Variants in NLGN1 observed in about 807,000 individuals in gnomAD.
NLGN1 encodes the protein neuroligin-1.
NLGN1 carries 12 observed loss-of-function variants against 65.5 expected under a neutral mutation model. The ratio of observed to expected loss-of-function variants is 0.18; its 90% CI spans 0.12 to 0.30. NLGN1 has a LOEUF of 0.30. Ranked by LOEUF, NLGN1 falls within the 10% of genes least tolerant of loss-of-function variation. The pLI is 1.00. For synonymous variants in NLGN1, 350 were observed against 359.5 expected (o/e 0.97, Z 0.30); for missense variants, 750 against 1,007.1 (o/e 0.74, Z 3.46).
chr3:174,277,294 G>C (rs1327836430), intron 5 of NLGN1, among the ~76,000 whole-genome samples: 1 of 151,824 alleles, frequency 6.6e-6, no homozygotes, highest in Admixed American at 6.6e-5. Context: ...CTCAGGCCTG[G>C]ATATACCATG....
At chr3:173,477,769 G>A (rs534094948) in intron 2 of NLGN1, among the ~76,000 whole-genome samples, 54 of 152,102 alleles carry the variant, frequency 3.6e-4, no homozygotes, top group Non-Finnish European at 6.0e-4. Flanking sequence ...CTGCATGAAT[G>A]TCTTCTTTTG....
chr3:174,152,233 A>C (rs574106190), intron 4 of NLGN1, among the ~76,000 whole-genome samples: 1 of 152,160 alleles, frequency 6.6e-6, no homozygotes, highest in Non-Finnish European at 1.5e-5. Flanking sequence ...AATAGGAAAA[A>C]AGTTTATGTC....
At chr3:173,532,775 G>A (rs534937413) in intron 2 of NLGN1, among the ~76,000 whole-genome samples, 19 of 152,264 alleles carry the variant, frequency 1.2e-4, no homozygotes, top group Non-Finnish European at 2.4e-4. Context: ...TTATGCCACA[G>A]TCATAATCAC....
At position 173,472,309 on chromosome 3, in the gene NLGN1, ACTT is replaced by A. The variant is rs556563068; in HGVS notation, c.-321+37234_-321+37236del. Among the ~76,000 whole-genome samples, 283 of 151,986 alleles carry A rather than the reference ACTT, an allele frequency of 1.9e-3. 1 individual carries two copies. Among genetic ancestry groups the A allele is most frequent in the African/African-American group, 6.7e-3 (279 of 41,476 alleles). ...TTGTTTTAGTTTTACCTGCAGAAAAACTTCTGCCATTTCTATTATTTTTATCCT... is the reference window on the plus strand; with the variant it reads ...TTGTTTTAGTTTTACCTGCAGAAAAACTGCCATTTCTATTATTTTTATCCT... On this transcript the variant is annotated intron_variant, in intron 2 of 6. Transcript: ENST00000457714.
In NLGN1 at chr3:173,463,141, G is replaced by A. The variant is rs553128689; in HGVS notation, c.-321+28063G>A. On this transcript the variant is annotated intron_variant, in intron 2 of 6. Coordinates refer to ENST00000457714, the Ensembl canonical transcript of NLGN1. ...AGACTATGGGCTAGAGATCAGTAGG[G>A]CATGCTAGGATGTATGCAAGTGGTC... Among the ~76,000 whole-genome samples, 9 of 152,262 alleles carry A rather than the reference G, an allele frequency of 5.9e-5. No individual in the cohort carries two copies. In the South Asian group the frequency reaches 1.7e-3, roughly 28 times the overall value.
chr3:173,408,911 C>CAAA (rs11344890), intron 1 of NLGN1, among the ~76,000 whole-genome samples: 31,185 of 124,198 alleles, frequency 0.25, 3,696 homozygotes, highest in Middle Eastern at 0.32. Flanking sequence ...GACTCTGTCT[C>CAAA]AAAAAAAAAA....
At chr3:173,774,738 C>T (rs944001530) in intron 3 of NLGN1, among the ~76,000 whole-genome samples, 1 of 152,070 alleles carries the variant, frequency 6.6e-6, no homozygotes. Flanking sequence ...TTTCTGAGTA[C>T]ATTGGTACTC....
intron 4 of NLGN1, among the ~76,000 whole-genome samples, chr3:174,150,169 GTTAT>G (rs1007312223): frequency 4.6e-5 from 7 of 152,154 alleles, no homozygotes; most frequent in Admixed American, 3.9e-4. Flanking sequence ...TAGAAACTTA[GTTAT>G]TTCTCTAAAA....
chr3:173,929,049 G>A (rs1449417755), intron 4 of NLGN1, among the ~76,000 whole-genome samples: 1 of 152,102 alleles, frequency 6.6e-6, no homozygotes, highest in Non-Finnish European at 1.5e-5. Context: ...GTAGAATGCT[G>A]TATTTAAGAA....
chr3:173,806,656 T>G (rs2150441659), intron 3 of NLGN1, among the ~76,000 whole-genome samples: 1 of 152,278 alleles, frequency 6.6e-6, no homozygotes, highest in Non-Finnish European at 1.5e-5. Context: ...TAGATAGAAC[T>G]ATGTTTGCTG....
At chr3:174,287,864 G>T (rs1752305047), downstream of NLGN1, among the ~76,000 whole-genome samples, 1 of 151,456 alleles carries the variant, frequency 6.6e-6, no homozygotes, top group Non-Finnish European at 1.5e-5. Context: ...TAACCAACTG[G>T]TGCCTTGGGA....
chr3:174,116,330 C>CTTTTTTTTTTTT lies in NLGN1; in HGVS notation c.647-158969_647-158958dup, dbSNP rs1168837585. On this transcript the variant is annotated intron_variant, in intron 4 of 6. Coordinates refer to ENST00000457714, the Ensembl canonical transcript of NLGN1. ...ACATGTAAGTTTTTTTCTGGGTTTT[C>CTTTTTTTTTTTT]TTTTTTTTTTTTTTTTTTTTTTTTT... 2.2e-4 allele frequency among the ~76,000 whole-genome samples: 15 copies of CTTTTTTTTTTTT among 69,650 alleles called. 5 individuals carry two copies. Among genetic ancestry groups the CTTTTTTTTTTTT allele is most frequent in the Non-Finnish European group, 3.0e-4 (10 of 33,128 alleles). The allele number at this position is 69,650 out of a possible 152,430, so 45.7% of individuals were successfully genotyped here. A position where few individuals can be genotyped will look rare whatever the true frequency, so the allele number is the denominator to read the frequency against.
At chr3:173,658,090 G>A (rs949170857) in intron 3 of NLGN1, among the ~76,000 whole-genome samples, 1 of 151,946 alleles carries the variant, frequency 6.6e-6, no homozygotes, top group Admixed American at 6.6e-5. Context: ...GGTAGTTAGA[G>A]AAATTTAACA....
chr3:174,196,230 A>T (rs1010768854), intron 4 of NLGN1, among the ~76,000 whole-genome samples: 1 of 152,318 alleles, frequency 6.6e-6, no homozygotes, highest in South Asian at 2.1e-4. Context: ...GAACTTTGTC[A>T]TACTCAGTTT....
chr3:173,636,770 A>G (rs1160777798), intron 3 of NLGN1, among the ~76,000 whole-genome samples: 1 of 152,162 alleles, frequency 6.6e-6, no homozygotes, highest in Non-Finnish European at 1.5e-5. Flanking sequence ...ATTTTGTAAA[A>G]TGACTCATTT....
chr3:174,037,545 C>A (rs971313319), intron 4 of NLGN1, among the ~76,000 whole-genome samples: 2 of 152,100 alleles, frequency 1.3e-5, no homozygotes, highest in Non-Finnish European at 2.9e-5. Flanking sequence ...AACGTAAGCT[C>A]TGTGGAGCAA....
chr3:173,572,454 C>T (rs1744804876), intron 2 of NLGN1, among the ~76,000 whole-genome samples: 1 of 152,258 alleles, frequency 6.6e-6, no homozygotes, highest in South Asian at 2.1e-4. Context: ...GTGAGGCTGG[C>T]ACAGCCATGC....
At chr3:173,729,457 G>T (rs1304705704) in intron 3 of NLGN1, among the ~76,000 whole-genome samples, 2 of 151,802 alleles carry the variant, frequency 1.3e-5, no homozygotes, top group Non-Finnish European at 2.9e-5. Flanking sequence ...AAAGATTTTT[G>T]TAATCTCTAA....
chr3:173,402,903 T>C (rs1717965708), intron 1 of NLGN1, among the ~76,000 whole-genome samples: 1 of 152,128 alleles, frequency 6.6e-6, no homozygotes, highest in Non-Finnish European at 1.5e-5. Flanking sequence ...GGAAGAGGTC[T>C]GTTTTCCTGT....
Sources: allele counts gnomAD v4.1 joint callset (sites outside exome capture counted in the v4.1 genomes callset), GRCh38; gene constraint gnomAD v4.1.1; transcripts MANE v1.5; gene names NCBI Gene and HGNC (gene_info 2026-07-23, HGNC 2026-07-21).